Variants in DCX observed in about 807,000 individuals in gnomAD.
DCX encodes the protein doublecortin.
In DCX, 4 loss-of-function variants were observed where a neutral mutation model predicts 20.9. The ratio of observed to expected loss-of-function variants is 0.19; its 90% CI spans 0.09 to 0.44. The LOEUF (loss-of-function observed/expected upper bound fraction) is 0.44, where lower values mean the gene tolerates loss of function less well. Among genes scored for constraint, DCX ranks in the 20% least tolerant of loss-of-function variants. The pLI is 0.99. For synonymous variants in DCX, 103 were observed against 111.4 expected, an observed-to-expected ratio of 0.92 and a Z score of 0.47; for missense variants, 133 against 296.9, an observed-to-expected ratio of 0.45 and a Z score of 4.06.
chrX:111,340,121 T>C (rs1280558033), intron 3 of DCX, among the ~76,000 whole-genome samples: 2 of 112,697 alleles, frequency 1.8e-5, no homozygotes, highest in Admixed American at 1.9e-4. Flanking sequence ...CCAAACATTT[T>C]AGCTCCCTGG....
chrX:111,363,652 C>T (rs780824480), intron 3 of DCX, among the ~76,000 whole-genome samples: 1 of 111,213 alleles, frequency 9.0e-6, no homozygotes, highest in Admixed American at 9.5e-5. Context: ...TAATGCTGAA[C>T]ATTCTTGAAG....
At chrX:111,355,911 C>T (rs924990165) in intron 3 of DCX, among the ~76,000 whole-genome samples, 1 of 111,788 alleles carries the variant, frequency 8.9e-6, no homozygotes, top group Non-Finnish European at 1.9e-5. Flanking sequence ...CTAGTCATGG[C>T]CCCTGACCAT....
intron 3 of DCX, among the ~76,000 whole-genome samples, chrX:111,380,329 T>C (rs1386176478): frequency 8.9e-6 from 1 of 112,030 alleles, no homozygotes; most frequent in South Asian, 3.7e-4. Flanking sequence ...TTGATTCATT[T>C]TGAGTTAATT....
At chrX:111,343,137 GT>G (rs763161014) in intron 3 of DCX, among the ~76,000 whole-genome samples, 9,065 of 94,800 alleles carry the variant, frequency 0.096, 500 homozygotes, top group African/African-American at 0.17. Flanking sequence ...CAACAGCTGG[GT>G]TTTTTTTTTT....
Position 111,410,418 on chromosome X carries a change from G to T in DCX, c.-20C>A. On this transcript the variant is annotated splice_region_variant and 5_prime_UTR_variant, in exon 2 of 7. Transcript: ENST00000636035. ...TTCCATATTTTGGTGGAACCTCAGAGACCTGAGCGTGGGAGAAAGGGATGG... is the reference window on the plus strand; with the variant it reads ...TTCCATATTTTGGTGGAACCTCAGATACCTGAGCGTGGGAGAAAGGGATGG... 1 of 1,209,760 alleles carries T rather than the reference G, an allele frequency of 8.3e-7. No individual in the cohort carries two copies. Among genetic ancestry groups the T allele is most frequent in the East Asian group, 3.0e-5 (1 of 33,791 alleles).
chrX:111,368,411 T>C (rs1924799430), intron 3 of DCX, among the ~76,000 whole-genome samples: 1 of 111,773 alleles, frequency 8.9e-6, no homozygotes. Context: ...AGTGGCCTGA[T>C]CTAATTTAAA....
intron 3 of DCX, among the ~76,000 whole-genome samples, chrX:111,389,237 C>T (rs770144250): frequency 1.8e-5 from 2 of 111,517 alleles, no homozygotes; most frequent in East Asian, 2.9e-4. Context: ...ACATTTGACA[C>T]GGCTGCCCGC....
chrX:111,330,843 G>T, intron 5 of DCX, 61 bp downstream of exon 5: 1 of 1,196,598 alleles, frequency 8.4e-7, no homozygotes, highest in Non-Finnish European at 1.1e-6. Flanking sequence ...TCCTCTGCAT[G>T]CAGAAAGTAT....
In DCX at chrX:111,331,047, G is replaced by T. The variant is rs761522791; in HGVS notation, c.809-6C>A. The stretch of plus-strand genomic sequence containing the variant: ...TCCCTTCATGACTCGGCATTCTGGG[G>T]CAAAAGGACACAGACAGCTTAGTAG... On this transcript the variant is annotated splice_region_variant and splice_polypyrimidine_tract_variant and intron_variant, in intron 4 of 6. Coordinates refer to ENST00000636035, the MANE Select transcript of DCX (RefSeq NM_001195553.2). 2.5e-6 allele frequency: 3 copies of T among 1,208,651 alleles called. No individual in the cohort carries two copies. The highest frequency in any genetic ancestry group is 2.2e-6 in the Non-Finnish European group (2 of 894,358).
At chrX:111,312,870 C>T in intron 5 of DCX, 134 bp from the exon 6 acceptor site, 1 of 604,973 alleles carries the variant, frequency 1.7e-6, no homozygotes, top group Non-Finnish European at 2.7e-6. Flanking sequence ...GTGAGTAGAA[C>T]AAAGGTGAAA....
At chrX:111,392,815 C>T (rs1927051619) in intron 3 of DCX, among the ~76,000 whole-genome samples, 1 of 110,879 alleles carries the variant, frequency 9.0e-6, no homozygotes, top group Non-Finnish European at 1.9e-5. Context: ...GAAAATAACC[C>T]CAACAATTTT....
chrX:111,398,629 G>A (rs963128607), intron 3 of DCX, among the ~76,000 whole-genome samples: 1 of 111,956 alleles, frequency 8.9e-6, no homozygotes, highest in Admixed American at 9.5e-5. Flanking sequence ...ATGTTTAAAG[G>A]AGTTTGAGAG....
intron 6 of DCX, among the ~76,000 whole-genome samples, chrX:111,303,789 C>T (rs2095039195): frequency 8.9e-6 from 1 of 111,732 alleles, no homozygotes; most frequent in African/African-American, 3.3e-5. Context: ...ACTCAGTTCT[C>T]GTCAACCTAC....
intron 3 of DCX, among the ~76,000 whole-genome samples, chrX:111,374,623 G>A (rs974811635): frequency 9.0e-6 from 1 of 110,552 alleles, no homozygotes. Flanking sequence ...CCCAATGGAG[G>A]GAAAATGACA....
intron 5 of DCX, among the ~76,000 whole-genome samples, chrX:111,322,406 G>GT (rs1191435045): frequency 2.7e-5 from 3 of 112,034 alleles, no homozygotes; most frequent in Non-Finnish European, 5.6e-5. Context: ...CTTGTGTTCT[G>GT]TAACTCCCTA....
intron 2 of DCX, among the ~76,000 whole-genome samples, chrX:111,408,632 GAGAA>G (rs61699743): frequency 0.17 from 13,518 of 77,813 alleles, 1,084 homozygotes; most frequent in African/African-American, 0.21. Flanking sequence ...AGAAAGAAAA[GAGAA>G]AGAAAGAAAG....
chrX:111,318,369 T>A (rs1437682010), intron 5 of DCX, among the ~76,000 whole-genome samples: 1 of 104,055 alleles, frequency 9.6e-6, no homozygotes, highest in Non-Finnish European at 1.9e-5. Context: ...AGTATAATAA[T>A]AATAATAATA....
At chrX:111,336,308 C>G (rs1007126904) in intron 3 of DCX, among the ~76,000 whole-genome samples, 1 of 112,407 alleles carries the variant, frequency 8.9e-6, no homozygotes, top group Non-Finnish European at 1.9e-5. Context: ...GATAACCCCT[C>G]TTTGGGGGAG....
At chrX:111,337,351 T>G (rs1921827358) in intron 3 of DCX, among the ~76,000 whole-genome samples, 1 of 110,804 alleles carries the variant, frequency 9.0e-6, no homozygotes. Flanking sequence ...TCAACTCACA[T>G]TAACATTGAA....
Sources: allele counts gnomAD v4.1 joint callset (sites outside exome capture counted in the v4.1 genomes callset), GRCh38; gene constraint gnomAD v4.1.1; transcripts MANE v1.5; gene names NCBI Gene and HGNC (gene_info 2026-07-23, HGNC 2026-07-21).